The following ATG16L1 variants were observed in gnomAD, a reference collection of about 807,000 sequenced individuals.
The protein encoded by ATG16L1 is autophagy related 16 like 1, also known as autophagy-related protein 16-1.
Under a neutral mutation model 88.5 loss-of-function variants are expected in ATG16L1, and 37 were observed. That is an observed-to-expected ratio of 0.42 (90% confidence interval 0.32 to 0.55). The LOEUF (loss-of-function observed/expected upper bound fraction) is 0.55. ATG16L1 is among the 20% of genes least tolerant of loss of function. The pLI is 0.13. For missense variants in ATG16L1, 554 were observed against 752.8 expected, an observed-to-expected ratio of 0.74 and a Z score of 3.09; for synonymous variants, 301 against 281.0, an observed-to-expected ratio of 1.07 and a Z score of -0.71.
chr2:233,260,291 C>T (rs1385640762), intron 2 of ATG16L1, among the ~76,000 whole-genome samples: 2 of 152,244 alleles, frequency 1.3e-5, no homozygotes, highest in African/African-American at 4.8e-5. Flanking sequence ...GGACTAGTGA[C>T]ATCTTCTGGG....
chr2:233,266,371 G>C (rs1697580546), intron 5 of ATG16L1, among the ~76,000 whole-genome samples: 1 of 152,098 alleles, frequency 6.6e-6, no homozygotes, highest in Non-Finnish European at 1.5e-5. Context: ...CTGCGGGAGA[G>C]TTGCTTGAGC....
chr2:233,291,195 T>C (rs1424641217), intron 14 of ATG16L1, among the ~76,000 whole-genome samples: 3 of 152,130 alleles, frequency 2.0e-5, no homozygotes, highest in Non-Finnish European at 4.4e-5. Flanking sequence ...CCTGTGGTGA[T>C]AGATGATGCT....
At chr2:233,263,261 G>A (rs1460737544) in intron 3 of ATG16L1, 26 bp downstream of exon 3, 1 of 1,597,562 alleles carries the variant, frequency 6.3e-7, no homozygotes, top group Non-Finnish European at 8.6e-7. Context: ...TTCCTCATCT[G>A]TCTTCTGCCC....
intron 4 of ATG16L1, among the ~76,000 whole-genome samples, chr2:233,264,338 G>A (rs76159049): frequency 0.014 from 2,175 of 152,334 alleles, 45 homozygotes; most frequent in African/African-American, 0.05. Context: ...TCCTGTGGCC[G>A]CTGTGTGTGG....
At chr2:233,266,801 A>C (rs1364057110) in intron 5 of ATG16L1, among the ~76,000 whole-genome samples, 1 of 152,246 alleles carries the variant, frequency 6.6e-6, no homozygotes, top group Non-Finnish European at 1.5e-5. Flanking sequence ...ATTCGCTATA[A>C]AAATGAATTA....
intron 12 of ATG16L1, among the ~76,000 whole-genome samples, chr2:233,286,984 G>A (rs1441186037): frequency 6.6e-6 from 1 of 152,040 alleles, no homozygotes; most frequent in Non-Finnish European, 1.5e-5. Flanking sequence ...GAAACAAAAC[G>A]TCCCTTTCCC....
chr2:233,282,560 C>A, intron 11 of ATG16L1, 122 bp from the exon 12 acceptor site: 3 of 824,420 alleles, frequency 3.6e-6, no homozygotes, highest in East Asian at 2.5e-5. Context: ...GGTATTCAGG[C>A]TGGTTGTATA....
chr2:233,254,755 A>G (rs1161793026), intron 1 of ATG16L1, among the ~76,000 whole-genome samples: 6 of 152,184 alleles, frequency 3.9e-5, no homozygotes, highest in Admixed American at 2.6e-4. Flanking sequence ...CGTTTGACCA[A>G]TAGATGAGAG....
chr2:233,261,041 C>T (rs1440226288), intron 2 of ATG16L1, among the ~76,000 whole-genome samples: 2 of 152,204 alleles, frequency 1.3e-5, no homozygotes, highest in African/African-American at 4.8e-5. Context: ...CTGCAACCTC[C>T]GCCTTCCGGG....
chr2:233,263,134 G>A lies in ATG16L1; in HGVS notation c.214G>A (p.Gly72Arg), dbSNP rs774776145. 9 of 1,613,616 alleles carry A rather than the reference G, an allele frequency of 5.6e-6. No homozygotes were observed. The highest frequency in any genetic ancestry group is 3.3e-5 in the Admixed American group (2 of 59,924). ...CTGCCTGGTTTGCCAATTTAGTCCC[G>A]GACATGATGGCACATGGAATGACAA... ...DVPNRHEISP[G>R]HDGTWNDNQL... Residue 72 changes from glycine (G) to arginine (R), a missense_variant, in exon 3 of 18, where the codon GGA becomes AGA. Coordinates refer to ENST00000392017, the MANE Select transcript of ATG16L1 (RefSeq NM_030803.7).
rs139129129 is a variant in ATG16L1 at position 233,273,014 on chromosome 2, A to G, written c.756A>G (p.Glu252=). The change falls in exon 7 of 18, where the codon GAA becomes GAG. Residue 252 remains glutamate (E), a synonymous_variant. Transcript: ENST00000392017. ...VIVDETSDHT[E]ETSPVRAISR... ...TGGATGAAACTTCTGATCACACAGAAGAGACCTCTCCTGTGCGAGCCATCA... is the reference window on the plus strand; with the variant it reads ...TGGATGAAACTTCTGATCACACAGAGGAGACCTCTCCTGTGCGAGCCATCA... The G allele has an allele frequency of 1.9e-6, 3 of 1,614,024 alleles. No homozygotes were observed. Among genetic ancestry groups the G allele is most frequent in the African/African-American group, 1.3e-5 (1 of 74,924 alleles).
chr2:233,272,857 A>G, intron 6 of ATG16L1, 109 bp from the exon 7 acceptor site: 3 of 926,760 alleles, frequency 3.2e-6, no homozygotes, highest in Non-Finnish European at 3.5e-6. Context: ...CATTGCTGTC[A>G]TAGCCAAGTG....
chr2:233,291,875 T>C (rs543426301), intron 14 of ATG16L1, among the ~76,000 whole-genome samples: 13 of 152,194 alleles, frequency 8.5e-5, no homozygotes, highest in South Asian at 2.1e-4. Context: ...GATGGGCGAT[T>C]GTTGTCATTC....
At chr2:233,276,799 T>C (rs954946352) in intron 9 of ATG16L1, among the ~76,000 whole-genome samples, 1 of 152,158 alleles carries the variant, frequency 6.6e-6, no homozygotes, top group African/African-American at 2.4e-5. Context: ...TACTTGGTTT[T>C]CTTTCTTATC....
At chr2:233,293,644 C>T (rs1699618672) in intron 17 of ATG16L1, among the ~76,000 whole-genome samples, 1 of 152,046 alleles carries the variant, frequency 6.6e-6, no homozygotes, top group Non-Finnish European at 1.5e-5. Flanking sequence ...TCCTCTGTGT[C>T]TCCTTCCCCT....
intron 1 of ATG16L1, among the ~76,000 whole-genome samples, chr2:233,255,392 T>C (rs1018984172): frequency 6.6e-6 from 1 of 152,244 alleles, no homozygotes; most frequent in African/African-American, 2.4e-5. Context: ...TCTCCCCTCT[T>C]GTGTTCTCTC....
Position 233,256,109 on chromosome 2 carries a change from A to T in ATG16L1, c.123A>T (p.Lys41Asn). 1 of 1,613,686 alleles carries T rather than the reference A, an allele frequency of 6.2e-7. No homozygotes were observed. Among genetic ancestry groups the T allele is most frequent in the Non-Finnish European group, 8.5e-7 (1 of 1,179,702 alleles). Residue 41 changes from lysine (K) to asparagine (N), a missense_variant, in exon 2 of 18, where the codon AAA (lysine) becomes AAT (asparagine). By Grantham distance (94) the Lys-to-Asn change is moderately conservative (BLOSUM62 0). This residue lies in a region of ATG16L1 where 101 missense variants were observed against 107.0 expected (regional missense o/e 0.94). Coordinates refer to ENST00000392017, the MANE Select transcript of ATG16L1 (RefSeq NM_030803.7). The part of the protein sequence containing the change: ...AFEEIILQYN[K>N]LLEKSDLHSV... Reference sequence around the variant, plus strand: ...ACTTTTTTATTTTAATAGATAACAAATTGCTGGAAAAGTCAGATCTTCATT... The same window carrying T: ...ACTTTTTTATTTTAATAGATAACAATTTGCTGGAAAAGTCAGATCTTCATT...
chr2:233,253,346 T>TG (rs1553602869), intron 1 of ATG16L1, among the ~76,000 whole-genome samples: 5 of 134,490 alleles, frequency 3.7e-5, no homozygotes, highest in East Asian at 2.1e-4. Context: ...TTTTGTTTTT[T>TG]TTTTTTTTTT....
At chr2:233,284,903 T>C (rs1574893864) in intron 12 of ATG16L1, among the ~76,000 whole-genome samples, 1 of 152,182 alleles carries the variant, frequency 6.6e-6, no homozygotes, top group African/African-American at 2.4e-5. Flanking sequence ...ACCTCAGGGG[T>C]GGTCATTCTT....
Sources: allele counts gnomAD v4.1 joint callset (sites outside exome capture counted in the v4.1 genomes callset), GRCh38; gene constraint gnomAD v4.1.1; regional missense constraint gnomAD v4.1.1; transcripts MANE v1.5; gene names NCBI Gene and HGNC (gene_info 2026-07-23, HGNC 2026-07-21).